Variants in NUP98 observed in about 807,000 individuals in gnomAD.
NUP98 encodes nucleoporin 98 and 96 precursor.
NUP98 carries 26 observed loss-of-function variants against 191.9 expected under a neutral mutation model. The observed-to-expected ratio is 0.14, with a 90% CI of 0.10 to 0.19. NUP98 has a LOEUF of 0.19. Among genes scored for constraint, NUP98 ranks in the 10% least tolerant of loss-of-function variants. The pLI, the probability that NUP98 is intolerant of heterozygous loss-of-function variation, is 1.00. For missense variants in NUP98, 1,941 were observed against 2,178.8 expected (o/e 0.89, Z 2.17); for synonymous variants, 808 against 778.4 (o/e 1.04, Z -0.63).
At chr11:3,695,794 A>T (rs1304461382) in intron 25 of NUP98, among the ~76,000 whole-genome samples, 188 bp from the exon 26 acceptor site, 1 of 152,166 alleles carries the variant, frequency 6.6e-6, no homozygotes. Context: ...GAAAATTTGC[A>T]AAGTAGTTTA....
intron 9 of NUP98, among the ~76,000 whole-genome samples, chr11:3,761,437 C>T (rs547138372): frequency 2.6e-5 from 4 of 152,082 alleles, no homozygotes; most frequent in South Asian, 2.1e-4. Flanking sequence ...GCCTAGCCAA[C>T]GTGGCAAAAT....
In NUP98 at chr11:3,693,435, A is replaced by G. The variant is rs1322484297; in HGVS notation, c.4168-60T>C. 14 of 1,521,108 alleles carry G rather than the reference A, an allele frequency of 9.2e-6. 1 individual carries two copies. The South Asian group carries it at 1.5e-4, about 16-fold the overall frequency. The allele number at this position is 1,521,108 out of a possible 1,614,324, so 94.2% of individuals were successfully genotyped here. On this transcript the variant is annotated intron_variant, in intron 26 of 32. Transcript: ENST00000324932. ...CTACCTTGTTATTACCTGTGTGTGC[A>G]ATAACACTGAAGTGAATATTCACTT...
rs368070720 is a variant in NUP98 at position 3,761,123 on chromosome 11, T to C, written c.1087-497A>G. Among the ~76,000 whole-genome samples, 9 of 152,266 alleles carry C rather than the reference T, an allele frequency of 5.9e-5. No homozygotes were observed. In the South Asian group the frequency reaches 8.3e-4, roughly 14 times the overall value. Reference sequence around the variant, plus strand: ...GAAGTGTTCAAAATGGTCAAATCCATAGAGAGAAAGTAGGCTTAAGATGAT... The same window carrying C: ...GAAGTGTTCAAAATGGTCAAATCCACAGAGAGAAAGTAGGCTTAAGATGAT... On this transcript the variant is annotated intron_variant, in intron 9 of 32. Coordinates refer to ENST00000324932, the MANE Select transcript of NUP98 (RefSeq NM_016320.5).
At position 3,794,669 on chromosome 11, in the gene NUP98, A is replaced by T. The variant is rs7118870; in HGVS notation, c.-29+2731T>A. ...CCTCACGCAGTTTCCCAGGCTGGAA[A>T]GCAGTGGTGCAATCACAGCACTGCA... On this transcript the variant is annotated intron_variant, in intron 1 of 32. Coordinates refer to ENST00000324932, the MANE Select transcript of NUP98 (RefSeq NM_016320.5). Among the ~76,000 whole-genome samples, 611 of 152,186 alleles carry T rather than the reference A, an allele frequency of 4.0e-3. 1 individual carries two copies. The highest frequency in any genetic ancestry group is 0.014 in the African/African-American group (585 of 41,526).
intron 4 of NUP98, among the ~76,000 whole-genome samples, chr11:3,777,660 C>T (rs546220618): frequency 6.6e-6 from 1 of 150,510 alleles, no homozygotes; most frequent in African/African-American, 2.4e-5. Flanking sequence ...ACATATGGTG[C>T]CAGAAATGTC....
intron 1 of NUP98, among the ~76,000 whole-genome samples, chr11:3,795,875 G>C (rs529281801): frequency 1.3e-5 from 2 of 152,138 alleles, no homozygotes; most frequent in African/African-American, 4.8e-5. Flanking sequence ...TACTAGTTCT[G>C]AGTTTATGCT....
chr11:3,773,568 T>C (rs921201844), intron 6 of NUP98, 64 bp downstream of exon 6: 1 of 1,057,808 alleles, frequency 9.5e-7, no homozygotes, highest in Admixed American at 2.5e-5. Flanking sequence ...AAAACCATTT[T>C]TAAAAGCTGC....
At chr11:3,699,412 T>A (rs2078610493) in intron 24 of NUP98, 64 bp from the exon 25 acceptor site, 11 of 1,544,904 alleles carry the variant, frequency 7.1e-6, no homozygotes, top group African/African-American at 1.4e-5. Context: ...ACAGAGGGCA[T>A]CCTTCTAACT....
At chr11:3,764,986 C>G (rs1335881777) in intron 8 of NUP98, among the ~76,000 whole-genome samples, 1 of 152,186 alleles carries the variant, frequency 6.6e-6, no homozygotes, top group Non-Finnish European at 1.5e-5. Flanking sequence ...TATTATCACA[C>G]CACTTACATA....
chr11:3,675,986 T>C lies in NUP98; in HGVS notation c.*173A>G. 1 of 619,678 alleles carries C rather than the reference T, an allele frequency of 1.6e-6. No individual in the cohort carries two copies. Among genetic ancestry groups the C allele is most frequent in the Non-Finnish European group, 2.8e-6 (1 of 351,356 alleles). The allele number at this position is 619,678 out of a possible 1,614,324, so 38.4% of individuals were successfully genotyped here. ...GGGTTCCAGAAGCCCTTATGCTACG[T>C]TCAGTATTAAGAAAAGCCCTGAACA... On this transcript the variant is annotated 3_prime_UTR_variant, in exon 33 of 33. Coordinates refer to ENST00000324932, the MANE Select transcript of NUP98 (RefSeq NM_016320.5).
At chr11:3,698,692 A>C (rs1199146773) in intron 25 of NUP98, among the ~76,000 whole-genome samples, 4 of 137,914 alleles carry the variant, frequency 2.9e-5, no homozygotes, top group African/African-American at 8.6e-5. Flanking sequence ...GCACCATTGT[A>C]CTCCAGCCTG....
chr11:3,724,283 A>G (rs7125779), intron 15 of NUP98, among the ~76,000 whole-genome samples: 3,633 of 151,720 alleles, frequency 0.024, 142 homozygotes, highest in African/African-American at 0.08. Flanking sequence ...AATACAAAAA[A>G]AATTAGCTGG....
At chr11:3,772,277 CAT>C (rs1024417806) in intron 6 of NUP98, among the ~76,000 whole-genome samples, 2 of 152,076 alleles carry the variant, frequency 1.3e-5, no homozygotes, top group African/African-American at 4.8e-5. Flanking sequence ...AGTGAATTAA[CAT>C]ATGTAGATTC....
At chr11:3,730,353 T>C (rs1311407251) in intron 14 of NUP98, among the ~76,000 whole-genome samples, 1 of 152,016 alleles carries the variant, frequency 6.6e-6, no homozygotes, top group Non-Finnish European at 1.5e-5. Context: ...GGTGAAGCAG[T>C]TACATTTTCT....
intron 1 of NUP98, among the ~76,000 whole-genome samples, chr11:3,788,303 T>C (rs7937491): frequency 1.3e-5 from 2 of 152,190 alleles, no homozygotes; most frequent in African/African-American, 4.8e-5. Flanking sequence ...GAGACATCTG[T>C]ATTTAAAACT....
At chr11:3,701,832 C>G (rs1236632911) in intron 23 of NUP98, among the ~76,000 whole-genome samples, 1 of 151,744 alleles carries the variant, frequency 6.6e-6, no homozygotes, top group African/African-American at 2.4e-5. Context: ...TCTACAGGCG[C>G]CTGCCACAAC....
At chr11:3,752,828 A>C (rs1008673570) in intron 11 of NUP98, among the ~76,000 whole-genome samples, 2 of 152,214 alleles carry the variant, frequency 1.3e-5, no homozygotes, top group Non-Finnish European at 2.9e-5. Context: ...AGGCACTGAA[A>C]AATAGTTGTT....
At chr11:3,690,093 A>T (rs1419309700) in intron 28 of NUP98, among the ~76,000 whole-genome samples, 5 of 151,280 alleles carry the variant, frequency 3.3e-5, no homozygotes, top group African/African-American at 1.2e-4. Context: ...CTGAGATTAC[A>T]GGTGCCTACC....
chr11:3,704,599 T>A (rs528957366), intron 22 of NUP98, among the ~76,000 whole-genome samples: 6 of 152,358 alleles, frequency 3.9e-5, no homozygotes, highest in African/African-American at 1.4e-4. Context: ...GAGCTTACTA[T>A]CTAATCCACA....
Sources: allele counts gnomAD v4.1 joint callset (sites outside exome capture counted in the v4.1 genomes callset), GRCh38; gene constraint gnomAD v4.1.1; transcripts MANE v1.5; gene names NCBI Gene and HGNC (gene_info 2026-07-23, HGNC 2026-07-21).